Variants in MYO18B observed in about 807,000 individuals in gnomAD.
MYO18B encodes unconventional myosin-XVIIIb.
Under a neutral mutation model 273.0 loss-of-function variants are expected in MYO18B, and 204 were observed. The observed-to-expected ratio is 0.75, with a 90% CI of 0.67 to 0.84. The LOEUF (loss-of-function observed/expected upper bound fraction) is 0.84, where lower values mean the gene tolerates loss of function less well. MYO18B is among the 40% of genes least tolerant of loss of function. The pLI, the probability that MYO18B is intolerant of heterozygous loss-of-function variation, is 0.00. For missense variants in MYO18B, 3,212 were observed against 3,287.6 expected, an observed-to-expected ratio of 0.98 and a Z score of 0.56; for synonymous variants, 1,330 against 1,305.7, an observed-to-expected ratio of 1.02 and a Z score of -0.40.
rs766919213 is a variant in MYO18B at position 25,950,392 on chromosome 22, A to G, written c.5774A>G (p.Gln1925Arg). Residue 1925 changes from glutamine to arginine, a missense_variant, in exon 37 of 44, where the codon CAA becomes CGA. Transcript: ENST00000335473. ...AQSAADIGQI[Q>R]ELQLQLEEAK... ...TCTGCTGCTGACATTGGGCAGATCC[A>G]AGAACTGCAGCTGCAGCTGGAGGAA... 3 of 1,606,870 alleles carry G rather than the reference A, an allele frequency of 1.9e-6. No individual in the cohort carries two copies. Among genetic ancestry groups the G allele is most frequent in the Non-Finnish European group, 2.5e-6 (3 of 1,176,576 alleles).
chr22:26,062,147 A>T, the MYO18B span, among the ~76,000 whole-genome samples: 2 of 151,996 alleles, frequency 1.3e-5, no homozygotes, highest in Non-Finnish European at 2.9e-5. Context: ...TCTTTCTCTT[A>T]CCCCCTTCTT....
chr22:25,855,277 A>G (rs2146070684), intron 21 of MYO18B, among the ~76,000 whole-genome samples: 1 of 125,526 alleles, frequency 8.0e-6, no homozygotes, highest in East Asian at 2.6e-4. Context: ...AAAGGACGTT[A>G]TCTCATTCTT....
At chr22:25,836,532 A>G (rs2089906026) in intron 17 of MYO18B, among the ~76,000 whole-genome samples, 1 of 152,172 alleles carries the variant, frequency 6.6e-6, no homozygotes, top group Non-Finnish European at 1.5e-5. Context: ...GGAGATACAT[A>G]TTCTTATTCA....
At chr22:25,797,867 C>T (rs1430276034) in intron 11 of MYO18B, 86 bp from the exon 12 acceptor site, 17 of 1,591,074 alleles carry the variant, frequency 1.1e-5, no homozygotes, top group African/African-American at 4.0e-5. Flanking sequence ...CGCATTCCTT[C>T]GAGACGGAGC....
At chr22:25,843,322 T>C (rs1254514591) in intron 17 of MYO18B, among the ~76,000 whole-genome samples, 1 of 152,202 alleles carries the variant, frequency 6.6e-6, no homozygotes, top group Non-Finnish European at 1.5e-5. Context: ...ATAATTTCCA[T>C]GCATATCAGA....
At chr22:25,749,054 C>A (rs2085862747) in intron 1 of MYO18B, among the ~76,000 whole-genome samples, 1 of 152,152 alleles carries the variant, frequency 6.6e-6, no homozygotes, top group East Asian at 1.9e-4. Context: ...ATCAGAGCAC[C>A]CTTCTTCCAC....
intron 11 of MYO18B, 33 bp downstream of exon 11, chr22:25,785,524 A>G: frequency 6.2e-7 from 1 of 1,602,456 alleles, no homozygotes. Context: ...GTGGGATGTG[A>G]GTCTGTGTCT....
chr22:25,762,878 C>T (rs1245126514), intron 2 of MYO18B, among the ~76,000 whole-genome samples: 2 of 152,240 alleles, frequency 1.3e-5, no homozygotes, highest in Admixed American at 6.5e-5. Context: ...AACTGGGAAA[C>T]CTCCTTTCAG....
At chr22:25,769,527 A>C in intron 4 of MYO18B, 99 bp downstream of exon 4, 112 of 1,098,668 alleles carry the variant, frequency 1.0e-4, no homozygotes, top group Non-Finnish European at 1.3e-4. Flanking sequence ...CAAGGGGTGG[A>C]CGGGGGGTGG....
At chr22:25,877,560 G>A (rs1046616744) in intron 24 of MYO18B, among the ~76,000 whole-genome samples, 10 of 152,000 alleles carry the variant, frequency 6.6e-5, no homozygotes, top group South Asian at 2.1e-4. Context: ...CTCCATCTCC[G>A]GGGTTCAAGT....
intron 39 of MYO18B, among the ~76,000 whole-genome samples, chr22:25,966,475 T>C (rs924584947): frequency 6.6e-6 from 1 of 152,108 alleles, no homozygotes; most frequent in Non-Finnish European, 1.5e-5. Flanking sequence ...AAAAAGGCAT[T>C]CCACATGGAG....
intron 11 of MYO18B, among the ~76,000 whole-genome samples, chr22:25,789,488 T>A (rs1402495049): frequency 2.0e-5 from 3 of 151,424 alleles, no homozygotes; most frequent in Non-Finnish European, 4.4e-5. Flanking sequence ...ATACAAAAAT[T>A]AGCCAGGTGT....
intron 6 of MYO18B, 32 bp downstream of exon 6, chr22:25,771,016 G>A (rs373605466): frequency 1.0e-4 from 148 of 1,462,876 alleles, no homozygotes; most frequent in Admixed American, 3.3e-4. Context: ...CCCCCAGCAT[G>A]AGTCCCCTGT....
At position 25,835,212 on chromosome 22, in the gene MYO18B, A is replaced by G. The variant is rs540064860; in HGVS notation, c.3061-84A>G. ...TGACACTTGGGACTTGGATGCTCTC[A>G]TTCCCTATCGGTGGGAAGAGAAGCC... On this transcript the variant is annotated intron_variant, in intron 16 of 43. Coordinates refer to ENST00000335473, the MANE Select transcript of MYO18B (RefSeq NM_032608.7). The G allele has an allele frequency of 1.5e-4, 224 of 1,480,450 alleles. 2 individuals carry two copies. In the South Asian group the frequency reaches 2.7e-3, roughly 18 times the overall value. The allele number at this position is 1,480,450 out of a possible 1,614,324, so 91.7% of individuals were successfully genotyped here. A position where few individuals can be genotyped will look rare whatever the true frequency, so the allele number is the denominator to read the frequency against.
chr22:25,925,746 A>T (rs1241446679), intron 34 of MYO18B, among the ~76,000 whole-genome samples: 1 of 151,502 alleles, frequency 6.6e-6, no homozygotes, highest in African/African-American at 2.4e-5. Context: ...CTCTACTAAA[A>T]ATACAAAAAT....
chr22:25,925,209 A>G (rs1285864987), intron 34 of MYO18B, among the ~76,000 whole-genome samples: 1 of 152,092 alleles, frequency 6.6e-6, no homozygotes, highest in Non-Finnish European at 1.5e-5. Flanking sequence ...TTAAAATCAC[A>G]GACTTCTGGA....
intron 21 of MYO18B, among the ~76,000 whole-genome samples, chr22:25,855,582 C>T (rs559605770): frequency 6.6e-6 from 1 of 152,270 alleles, no homozygotes; most frequent in African/African-American, 2.4e-5. Context: ...GCCCGGCCCT[C>T]ATTCTTTTTT....
At chr22:25,909,974 C>G (rs2092123980) in intron 32 of MYO18B, among the ~76,000 whole-genome samples, 1 of 152,112 alleles carries the variant, frequency 6.6e-6, no homozygotes, top group Admixed American at 6.5e-5. Context: ...TCTCTGATGG[C>G]ATGAGGTGGA....
chr22:25,981,552 C>A (rs1428120687), intron 39 of MYO18B, among the ~76,000 whole-genome samples: 2 of 152,158 alleles, frequency 1.3e-5, no homozygotes, highest in African/African-American at 4.8e-5. Context: ...CCAGCTTGGA[C>A]AACACAGTAA....
Sources: allele counts gnomAD v4.1 joint callset (sites outside exome capture counted in the v4.1 genomes callset), GRCh38; gene constraint gnomAD v4.1.1; transcripts MANE v1.5; gene names NCBI Gene and HGNC (gene_info 2026-07-23, HGNC 2026-07-21).